ASH1L: variants seen among roughly 807,000 people sequenced by gnomAD.
The protein encoded by ASH1L is histone-lysine N-methyltransferase ASH1L.
ASH1L carries 23 observed loss-of-function variants against 269.0 expected under a neutral mutation model. The ratio of observed to expected loss-of-function variants is 0.09; its 90% confidence interval spans 0.06 to 0.12. The LOEUF is 0.12. Ranked by LOEUF, ASH1L falls within the 10% of genes least tolerant of loss-of-function variation. The pLI is 1.00. For synonymous variants in ASH1L, 1,187 were observed against 1,253.5 expected, an observed-to-expected ratio of 0.95 and a Z score of 1.12; for missense variants, 2,912 against 3,567.8, an observed-to-expected ratio of 0.82 and a Z score of 4.68.
intron 5 of ASH1L, among the ~76,000 whole-genome samples, chr1:155,434,846 G>A (rs183149747): frequency 2.0e-3 from 302 of 151,084 alleles, no homozygotes; most frequent in Non-Finnish European, 2.4e-3. Flanking sequence ...GCGAGACTCC[G>A]TCTCAAAAAA....
chr1:155,497,969 G>T (rs1667265725), intron 2 of ASH1L, among the ~76,000 whole-genome samples: 1 of 151,880 alleles, frequency 6.6e-6, no homozygotes, highest in Non-Finnish European at 1.5e-5. Flanking sequence ...AGCCAGGATG[G>T]TCTCGATCTC....
In ASH1L at chr1:155,556,401, CGTGTGTGTGTGTGT is replaced by C. The variant is rs71080711; in HGVS notation, c.-100+5738_-100+5751del. Among the ~76,000 whole-genome samples the C allele has an allele frequency of 5.9e-3, 825 of 140,562 alleles. 6 individuals carry two copies. Among genetic ancestry groups the C allele is most frequent in the African/African-American group, 0.02 (767 of 37,786 alleles). The allele number at this position is 140,562 out of a possible 152,430, so 92.2% of individuals were successfully genotyped here. On this transcript the variant is annotated intron_variant, in intron 1 of 27. Coordinates refer to ENST00000392403, the MANE Select transcript of ASH1L (RefSeq NM_018489.3). ...ATAAATATAAATATACATATATATA[CGTGTGTGTGTGTGT>C]GTGTGTGTGTGTGTGTGTGTGTGTA...
At chr1:155,428,583 T>A (rs1661356450) in intron 5 of ASH1L, among the ~76,000 whole-genome samples, 1 of 152,192 alleles carries the variant, frequency 6.6e-6, no homozygotes, top group African/African-American at 2.4e-5. Context: ...GCTGGAAGGC[T>A]GTGGGTTTAC....
chr1:155,548,055 C>CG (rs910294694), intron 1 of ASH1L, among the ~76,000 whole-genome samples: 1 of 152,114 alleles, frequency 6.6e-6, no homozygotes, highest in African/African-American at 2.4e-5. Flanking sequence ...CCTCAGCAAA[C>CG]TAACACAGGA....
chr1:155,433,579 G>C lies in ASH1L; in HGVS notation c.5828+4748C>G, dbSNP rs184363090. The C allele has an allele frequency of 3.1e-6, 5 of 1,610,722 alleles. No individual in the cohort carries two copies. In the Admixed American group the frequency reaches 6.7e-5, roughly 22 times the overall value. ...AGAAGGAGAAGCTGGAGCAAAACCCGCAGGAGTCCCAGAACATCAAAGCTC... is the reference window on the plus strand; with the variant it reads ...AGAAGGAGAAGCTGGAGCAAAACCCCCAGGAGTCCCAGAACATCAAAGCTC... On this transcript the variant is annotated intron_variant, in intron 5 of 27. Coordinates refer to ENST00000392403, the MANE Select transcript of ASH1L (RefSeq NM_018489.3).
At chr1:155,556,615 A>G (rs910255687) in intron 1 of ASH1L, among the ~76,000 whole-genome samples, 15 of 151,906 alleles carry the variant, frequency 9.9e-5, no homozygotes, top group African/African-American at 3.6e-4. Context: ...CTAATTTTTT[A>G]TATTTTTAGT....
intron 25 of ASH1L, among the ~76,000 whole-genome samples, chr1:155,341,238 G>A (rs1487611988): frequency 4.6e-5 from 7 of 151,076 alleles, no homozygotes; most frequent in Non-Finnish European, 7.4e-5. Context: ...GTGCAGTGGC[G>A]TGATCTTGGC....
At chr1:155,412,916 G>GA (rs1029589373) in intron 6 of ASH1L, among the ~76,000 whole-genome samples, 3 of 148,226 alleles carry the variant, frequency 2.0e-5, no homozygotes, top group Non-Finnish European at 4.5e-5. Context: ...TAATTTTATT[G>GA]AAAAAAATGG....
At chr1:155,474,220 G>C (rs1665354721) in intron 3 of ASH1L, among the ~76,000 whole-genome samples, 2 of 152,080 alleles carry the variant, frequency 1.3e-5, no homozygotes. Flanking sequence ...TTGAGAGTCT[G>C]TTCCTAACTT....
intron 10 of ASH1L, among the ~76,000 whole-genome samples, chr1:155,371,996 G>A (rs1655995035): frequency 6.6e-6 from 1 of 151,098 alleles, no homozygotes; most frequent in Non-Finnish European, 1.5e-5. Flanking sequence ...GCACCCGGCC[G>A]CTAATTTACT....
At position 155,439,075 on chromosome 1, in the gene ASH1L, G is replaced by C; in HGVS notation, c.5087-7C>G. The C allele has an allele frequency of 6.3e-7, 1 of 1,590,788 alleles. No individual in the cohort carries two copies. Among genetic ancestry groups the C allele is most frequent in the South Asian group, 1.1e-5 (1 of 87,388 alleles). On this transcript the variant is annotated splice_polypyrimidine_tract_variant and splice_region_variant and intron_variant, in intron 4 of 27. Transcript: ENST00000392403. ...CGAGAGGGAACTCCGTTTACTGAAA[G>C]AGACAATAAATCACACATAGACAAA... is the stretch of plus-strand genomic sequence containing the variant.
rs757359444 is a variant in ASH1L at position 155,562,425 on chromosome 1, A to AGCGGCGGCG, written c.-381_-373dup. ...AAAGCGAACCCAAAATGGCGGCGGG[A>AGCGGCGGCG]GCGGCGGCGGCGGCGGCGGCAGCAG... On this transcript the variant is annotated 5_prime_UTR_variant, in exon 1 of 28. Coordinates refer to ENST00000392403, the MANE Select transcript of ASH1L (RefSeq NM_018489.3). 29 of 1,476,680 alleles carry AGCGGCGGCG rather than the reference A, an allele frequency of 2.0e-5. No individual in the cohort carries two copies. Among genetic ancestry groups the AGCGGCGGCG allele is most frequent in the South Asian group, 4.8e-5 (4 of 82,914 alleles). 91.5% of individuals were successfully genotyped at this position (1,476,680 alleles called of 1,614,324 possible). A position where few individuals can be genotyped will look rare whatever the true frequency, so the allele number is the denominator to read the frequency against.
chr1:155,396,318 T>A (rs1658343809), intron 6 of ASH1L: 1 of 152,154 alleles, frequency 6.6e-6, no homozygotes, highest in Non-Finnish European at 1.5e-5. Flanking sequence ...ATTAATTCTT[T>A]TTTTTGTTTT....
At chr1:155,433,414 T>C in intron 5 of ASH1L, 2 of 1,607,960 alleles carry the variant, frequency 1.2e-6, no homozygotes, top group Non-Finnish European at 1.7e-6. Flanking sequence ...ACTGTGGGCC[T>C]CAGGTTGGAG....
intron 4 of ASH1L, among the ~76,000 whole-genome samples, chr1:155,454,355 C>A (rs1663719258): frequency 6.6e-6 from 1 of 152,220 alleles, no homozygotes; most frequent in Non-Finnish European, 1.5e-5. Flanking sequence ...TTCTCCTCTT[C>A]TCCCACTTAC....
Position 155,357,764 on chromosome 1 carries a change from A to G in ASH1L, c.6796-15T>C. 6.3e-7 allele frequency: 1 copy of G among 1,594,812 alleles called. No individual in the cohort carries two copies. On this transcript the variant is annotated splice_polypyrimidine_tract_variant and intron_variant, in intron 13 of 27. Coordinates refer to ENST00000392403, the MANE Select transcript of ASH1L (RefSeq NM_018489.3). ...TTACAAAGTTGCTTTGAAGGGAGAG[A>G]ATAATTTTTTTATTTTTATTTTTTT...
At chr1:155,421,273 C>T (rs1660652157) in intron 5 of ASH1L, among the ~76,000 whole-genome samples, 1 of 148,812 alleles carries the variant, frequency 6.7e-6, no homozygotes, top group East Asian at 1.9e-4. Context: ...TGCAACTTTC[C>T]CCCAAACTGA....
At chr1:155,542,488 G>A (rs1196953338) in intron 1 of ASH1L, among the ~76,000 whole-genome samples, 1 of 151,674 alleles carries the variant, frequency 6.6e-6, no homozygotes, top group African/African-American at 2.4e-5. Context: ...GGTGGAGCTT[G>A]CAGTGAGCCC....
In ASH1L at chr1:155,387,516, T is replaced by C. The variant is rs563934526; in HGVS notation, c.6104-7400A>G. On this transcript the variant is annotated intron_variant, in intron 7 of 27. Coordinates refer to ENST00000392403, the MANE Select transcript of ASH1L (RefSeq NM_018489.3). ...TGTGTCTGCTCTTGTATCAGTACCA[T>C]GCTGTTTTGATTACTGTAGCCCTGT... Among the ~76,000 whole-genome samples, 3 of 152,354 alleles carry C rather than the reference T, an allele frequency of 2.0e-5. No individual in the cohort carries two copies. In the East Asian group the frequency reaches 5.8e-4, roughly 29 times the overall value.
Sources: allele counts gnomAD v4.1 joint callset (sites outside exome capture counted in the v4.1 genomes callset), GRCh38; gene constraint gnomAD v4.1.1; transcripts MANE v1.5; gene names NCBI Gene and HGNC (gene_info 2026-07-23, HGNC 2026-07-21).